Variants in KATNBL1 observed in about 807,000 individuals in gnomAD.
KATNBL1 encodes KATNB1-like protein 1.
In KATNBL1, 28 loss-of-function variants were observed where a neutral mutation model predicts 44.7. The observed-to-expected ratio is 0.63, with a 90% CI of 0.46 to 0.86. The LOEUF (loss-of-function observed/expected upper bound fraction) is 0.86. Ranked by LOEUF, KATNBL1 falls within the 40% of genes least tolerant of loss-of-function variation. The pLI, the probability that KATNBL1 is intolerant of heterozygous loss-of-function variation, is 0.00. For missense variants in KATNBL1, 272 were observed against 350.7 expected (o/e 0.78, Z 1.79); for synonymous variants, 78 against 114.9 (o/e 0.68, Z 2.06).
chr15:34,156,316 T>C (rs1045408530), intron 2 of KATNBL1, among the ~76,000 whole-genome samples: 1 of 152,138 alleles, frequency 6.6e-6, no homozygotes, highest in Non-Finnish European at 1.5e-5. Context: ...GAGAAAGAGC[T>C]TGGCACGACT....
At chr15:34,195,564 T>A (rs941582789) in intron 1 of KATNBL1, among the ~76,000 whole-genome samples, 4 of 151,824 alleles carry the variant, frequency 2.6e-5, no homozygotes, top group Admixed American at 2.6e-4. Flanking sequence ...TGCACTTGTA[T>A]CCTATAATCC....
At chr15:34,204,844 C>T (rs1187711232) in intron 1 of KATNBL1, among the ~76,000 whole-genome samples, 1 of 152,056 alleles carries the variant, frequency 6.6e-6, no homozygotes, top group Non-Finnish European at 1.5e-5. Context: ...TGCAGAAGTC[C>T]CTGAATGCTA....
At chr15:34,162,530 T>C (rs1248442843) in intron 2 of KATNBL1, among the ~76,000 whole-genome samples, 1 of 152,184 alleles carries the variant, frequency 6.6e-6, no homozygotes, top group African/African-American at 2.4e-5. Flanking sequence ...CAGCTCCCTA[T>C]TTTCCACACT....
chr15:34,179,836 T>C (rs115883368), intron 1 of KATNBL1, among the ~76,000 whole-genome samples: 2,884 of 152,332 alleles, frequency 0.019, 83 homozygotes, highest in African/African-American at 0.066. Flanking sequence ...CAAACACGAA[T>C]TATTTTTATA....
intron 1 of KATNBL1, among the ~76,000 whole-genome samples, chr15:34,203,191 G>A (rs559808833): frequency 4.6e-5 from 7 of 151,988 alleles, no homozygotes; most frequent in African/African-American, 1.7e-4. Flanking sequence ...CTCAGTAAAC[G>A]GAACCATCCT....
At chr15:34,190,392 G>C (rs933385306) in intron 1 of KATNBL1, among the ~76,000 whole-genome samples, 2 of 152,166 alleles carry the variant, frequency 1.3e-5, no homozygotes, top group Non-Finnish European at 2.9e-5. Flanking sequence ...TCTAATTTAA[G>C]AGGCAATGAA....
intron 1 of KATNBL1, among the ~76,000 whole-genome samples, chr15:34,200,732 A>C (rs1357097186): frequency 6.6e-6 from 1 of 152,214 alleles, no homozygotes; most frequent in East Asian, 1.9e-4. Flanking sequence ...CTCTCTTATG[A>C]CTGAGATACC....
At chr15:34,190,661 G>T (rs7178988) in intron 1 of KATNBL1, among the ~76,000 whole-genome samples, 50,366 of 151,950 alleles carry the variant, frequency 0.33, 8,860 homozygotes, top group African/African-American at 0.47. Flanking sequence ...GGATAAATCA[G>T]GTTGACAACA....
rs58824450 is a variant in KATNBL1 at position 34,151,436 on chromosome 15, C to CT, written c.438+1353dup. 4.3e-3 allele frequency among the ~76,000 whole-genome samples: 260 copies of CT among 60,702 alleles called. 36 individuals are homozygous for CT. The highest frequency in any genetic ancestry group is 0.01 in the African/African-American group (154 of 14,924). 39.8% of individuals were successfully genotyped at this position (60,702 alleles called of 152,430 possible). On this transcript the variant is annotated intron_variant, in intron 4 of 9. Coordinates refer to ENST00000256544, the MANE Select transcript of KATNBL1 (RefSeq NM_024713.3). ...AAGTGTCTATTGTGTCCTTTGCCTA[C>CT]TTTTTTTTTTTTTTTTTTTTTTTTT... is the stretch of plus-strand genomic sequence containing the variant.
In KATNBL1 at chr15:34,166,970, A is replaced by G. The variant is rs1888997403; in HGVS notation, c.-14-3280T>C. Among the ~76,000 whole-genome samples the G allele has an allele frequency of 3.3e-5, 5 of 152,368 alleles. No individual in the cohort carries two copies. The South Asian group carries it at 1.0e-3, about 32-fold the overall frequency. ...CCAACATCAAACACCAAAGGTAGAT[A>G]AAACCACAAAGATGGGGAGAAACCA... On this transcript the variant is annotated intron_variant, in intron 1 of 9. Transcript: ENST00000256544.
intron 1 of KATNBL1, among the ~76,000 whole-genome samples, chr15:34,181,852 A>ATATATATAT (rs1567532408): frequency 1.3e-4 from 2 of 15,216 alleles, no homozygotes; most frequent in African/African-American, 1.7e-4. Context: ...ACATATATAT[A>ATATATATAT]GTCCATATAT....
intron 1 of KATNBL1, among the ~76,000 whole-genome samples, chr15:34,204,487 A>C (rs1021434025): frequency 1.3e-5 from 2 of 152,212 alleles, no homozygotes; most frequent in African/African-American, 4.8e-5. Context: ...TTCCGTATTC[A>C]TGGCTTCCAT....
chr15:34,175,626 A>G (rs1889306790), intron 1 of KATNBL1, among the ~76,000 whole-genome samples: 1 of 152,222 alleles, frequency 6.6e-6, no homozygotes, highest in Non-Finnish European at 1.5e-5. Flanking sequence ...TGCACAAGCA[A>G]TGAAATAAAA....
Position 34,184,760 on chromosome 15 carries a change from A to T in KATNBL1, c.-14-21070T>A, listed in dbSNP as rs1230257814. Among the ~76,000 whole-genome samples the T allele has an allele frequency of 3.3e-5, 5 of 150,846 alleles. No homozygotes were observed. The East Asian group carries it at 1.0e-3, about 30-fold the overall frequency. On this transcript the variant is annotated intron_variant, in intron 1 of 9. Coordinates refer to ENST00000256544, the MANE Select transcript of KATNBL1 (RefSeq NM_024713.3). ...GCTAATTTTTTTCTACTTTTAGTAG[A>T]GATGGGGTTTCACCTTGTTAGCCAG... is the stretch of plus-strand genomic sequence containing the variant.
At position 34,192,546 on chromosome 15, in the gene KATNBL1, C is replaced by T. The variant is rs74348970; in HGVS notation, c.-15+17405G>A. On this transcript the variant is annotated intron_variant, in intron 1 of 9. Transcript: ENST00000256544. ...ATGATACAGAGAAAATGGCATGTCT[C>T]TTGCTTTTAGGCCTAGAGGGTGGTG... Among the ~76,000 whole-genome samples, 933 of 152,250 alleles carry T rather than the reference C, an allele frequency of 6.1e-3. 7 individuals carry two copies. Among genetic ancestry groups the T allele is most frequent in the African/African-American group, 0.021 (879 of 41,550 alleles).
chr15:34,209,067 T>C (rs1287103186), intron 1 of KATNBL1: 1 of 152,354 alleles, frequency 6.6e-6, no homozygotes, highest in Non-Finnish European at 1.5e-5. Context: ...TGCCCATCAT[T>C]ATGATCACAC....
intron 1 of KATNBL1, among the ~76,000 whole-genome samples, chr15:34,169,180 G>C (rs1207853392): frequency 6.6e-6 from 1 of 152,090 alleles, no homozygotes; most frequent in Non-Finnish European, 1.5e-5. Flanking sequence ...CAGCAAAATT[G>C]ATAGACTGCT....
chr15:34,165,977 T>C (rs1402973218), intron 1 of KATNBL1: 1 of 152,182 alleles, frequency 6.6e-6, no homozygotes, highest in Non-Finnish European at 1.5e-5. Flanking sequence ...AAGATGGCCA[T>C]TATAATAGGA....
chr15:34,164,759 T>C (rs1888914371), intron 1 of KATNBL1, among the ~76,000 whole-genome samples: 1 of 152,252 alleles, frequency 6.6e-6, no homozygotes, highest in Admixed American at 6.5e-5. Context: ...AGCCAGGCCC[T>C]GGCGTTAATG....
Sources: allele counts gnomAD v4.1 joint callset (sites outside exome capture counted in the v4.1 genomes callset), GRCh38; gene constraint gnomAD v4.1.1; transcripts MANE v1.5; gene names NCBI Gene and HGNC (gene_info 2026-07-23, HGNC 2026-07-21).